SEL1L: variants seen among roughly 807,000 people sequenced by gnomAD.
SEL1L encodes the protein SEL1L adaptor subunit of SYVN1 ubiquitin ligase, also known as protein sel-1 homolog 1.
Under a neutral mutation model 109.8 loss-of-function variants are expected in SEL1L, and 52 were observed. That is an observed-to-expected ratio of 0.47 (90% CI 0.38 to 0.60). The LOEUF (loss-of-function observed/expected upper bound fraction) is 0.60, where lower values mean the gene tolerates loss of function less well. Among genes scored for constraint, SEL1L ranks in the 20% least tolerant of loss-of-function variants. The pLI is 0.00. For synonymous variants in SEL1L, 373 were observed against 339.6 expected, an observed-to-expected ratio of 1.10 and a Z score of -1.08; for missense variants, 749 against 962.2, an observed-to-expected ratio of 0.78 and a Z score of 2.93.
At chr14:81,530,345 A>G (rs1161072754) in intron 1 of SEL1L, among the ~76,000 whole-genome samples, 1 of 152,222 alleles carries the variant, frequency 6.6e-6, no homozygotes, top group African/African-American at 2.4e-5. Context: ...TAATTCTGAC[A>G]CATGGTTCAG....
chr14:81,486,970 CTT>C (rs139733784), intron 16 of SEL1L, among the ~76,000 whole-genome samples: 39 of 136,456 alleles, frequency 2.9e-4, no homozygotes, highest in Admixed American at 3.0e-4. Context: ...TTCTTTCTTT[CTT>C]TTTTTTTTTT....
chr14:81,502,169 T>G (rs1277171403), intron 6 of SEL1L, among the ~76,000 whole-genome samples: 1 of 152,146 alleles, frequency 6.6e-6, no homozygotes, highest in Non-Finnish European at 1.5e-5. Flanking sequence ...TAGACAGTGA[T>G]ATCTCATTTT....
chr14:81,507,000 C>T (rs1884266760), intron 3 of SEL1L, among the ~76,000 whole-genome samples: 1 of 152,194 alleles, frequency 6.6e-6, no homozygotes, highest in Non-Finnish European at 1.5e-5. Flanking sequence ...TTCAATTGAA[C>T]CTGAAGGGCG....
intron 3 of SEL1L, among the ~76,000 whole-genome samples, chr14:81,510,525 T>TATATAC (rs1884435593): frequency 6.6e-6 from 1 of 150,934 alleles, no homozygotes; most frequent in Admixed American, 6.6e-5. Flanking sequence ...TATATATATA[T>TATATAC]ATATAGACAA....
intron 3 of SEL1L, among the ~76,000 whole-genome samples, chr14:81,514,354 G>C (rs1019315714): frequency 2.0e-5 from 3 of 152,146 alleles, no homozygotes; most frequent in Non-Finnish European, 4.4e-5. Context: ...CCTCCCTTAG[G>C]GTATGGCCCT....
chr14:81,480,350 C>T (rs937023008), intron 19 of SEL1L, among the ~76,000 whole-genome samples: 1 of 152,134 alleles, frequency 6.6e-6, no homozygotes, highest in Non-Finnish European at 1.5e-5. Flanking sequence ...CCACCTCGCC[C>T]GGCTAATTTT....
At chr14:81,486,165 G>A in intron 17 of SEL1L, 124 bp downstream of exon 17, 2 of 939,944 alleles carry the variant, frequency 2.1e-6, no homozygotes, top group South Asian at 1.8e-5. Flanking sequence ...AAGCCTGTGT[G>A]TTCAGTTCCA....
intron 1 of SEL1L, among the ~76,000 whole-genome samples, chr14:81,530,979 A>T (rs1199366205): frequency 1.3e-5 from 2 of 152,246 alleles, no homozygotes; most frequent in African/African-American, 4.8e-5. Context: ...AATATGGTGT[A>T]AAAGATTACA....
chr14:81,479,833 G>A, intron 19 of SEL1L, 93 bp from the exon 20 acceptor site: 1 of 1,171,126 alleles, frequency 8.5e-7, no homozygotes, highest in Non-Finnish European at 1.1e-6. Flanking sequence ...TTACCTTTGA[G>A]GTTTTCATTT....
At chr14:81,489,392 A>T in intron 13 of SEL1L, 78 bp from the exon 14 acceptor site, 1 of 1,150,278 alleles carries the variant, frequency 8.7e-7, no homozygotes. Context: ...CTGCAAAATA[A>T]ATCATTTATA....
At chr14:81,521,539 A>G (rs1395362718) in intron 3 of SEL1L, among the ~76,000 whole-genome samples, 1 of 152,214 alleles carries the variant, frequency 6.6e-6, no homozygotes, top group Admixed American at 6.5e-5. Flanking sequence ...TGGTGGTCCC[A>G]TAAGATTATA....
rs927260694 is a variant in SEL1L at position 81,485,663 on chromosome 14, A to G, written c.1873+9T>C. The G allele has an allele frequency of 6.2e-7, 1 of 1,611,450 alleles. No individual in the cohort carries two copies. The highest frequency in any genetic ancestry group is 8.5e-7 in the Non-Finnish European group (1 of 1,177,630). ...GGGTGAAACTCTTATCTTAGAATTA[A>G]TCACTTACCTTGAGAGGCGGCCCTG... On this transcript the variant is annotated intron_variant, in intron 18 of 20. Transcript: ENST00000336735.
rs1264028646 is a variant in SEL1L at position 81,472,865 on chromosome 14, T to TA, written c.*4106dup. Reference sequence around the variant, plus strand: ...CATTAAAAAATTGAATCATTCAGCTTAAAAAAAGTCTGTCTGGAAAGGTGC... The same window carrying TA: ...CATTAAAAAATTGAATCATTCAGCTTAAAAAAAAGTCTGTCTGGAAAGGTGC... On this transcript the variant is annotated 3_prime_UTR_variant, in exon 21 of 21. Transcript: ENST00000336735. 2 of 236,636 alleles carry TA rather than the reference T, an allele frequency of 8.5e-6. No individual in the cohort carries two copies. Among genetic ancestry groups the TA allele is most frequent in the Non-Finnish European group, 1.7e-5 (2 of 118,500 alleles). The allele number at this position is 236,636 out of a possible 1,614,324, so 14.7% of individuals were successfully genotyped here.
At chr14:81,518,597 T>G (rs1383751199) in intron 3 of SEL1L, among the ~76,000 whole-genome samples, 1 of 146,606 alleles carries the variant, frequency 6.8e-6, no homozygotes, top group Non-Finnish European at 1.5e-5. Context: ...GAGGCGAAGG[T>G]TGCAGTGAGC....
chr14:81,499,204 T>A lies in SEL1L; in HGVS notation c.891+255A>T, dbSNP rs1435202935. 7.6e-6 allele frequency: 9 copies of A among 1,188,446 alleles called. No individual in the cohort carries two copies. In the Admixed American group the frequency reaches 1.3e-4, roughly 17 times the overall value. The allele number at this position is 1,188,446 out of a possible 1,614,324, so 73.6% of individuals were successfully genotyped here. On this transcript the variant is annotated intron_variant, in intron 8 of 20. Transcript: ENST00000336735. ...TCAGAGAAAATTTAAAAAGAGCCATTTATCAGATCTCTCTTTTTAGGGGCA... is the reference window on the plus strand; with the variant it reads ...TCAGAGAAAATTTAAAAAGAGCCATATATCAGATCTCTCTTTTTAGGGGCA...
At chr14:81,487,308 C>CA (rs989334569) in intron 16 of SEL1L, 82 bp downstream of exon 16, 18 of 1,371,452 alleles carry the variant, frequency 1.3e-5, no homozygotes, top group Admixed American at 3.1e-5. Flanking sequence ...AGAAAACATA[C>CA]AAAAAAACCA....
At chr14:81,480,244 A>G (rs1406712823) in intron 19 of SEL1L, among the ~76,000 whole-genome samples, 1 of 151,868 alleles carries the variant, frequency 6.6e-6, no homozygotes, top group East Asian at 1.9e-4. Context: ...GCTGGAGTGC[A>G]GTGGCGCGAT....
chr14:81,484,554 G>A, intron 18 of SEL1L, 157 bp from the exon 19 acceptor site: 1 of 679,278 alleles, frequency 1.5e-6, no homozygotes, highest in South Asian at 2.5e-5. Context: ...AAGTTATAAA[G>A]TCCAGTAAAA....
At chr14:81,503,600 C>G (rs1222642693) in intron 5 of SEL1L, among the ~76,000 whole-genome samples, 2 of 152,026 alleles carry the variant, frequency 1.3e-5, no homozygotes, top group Non-Finnish European at 2.9e-5. Flanking sequence ...TCCCTGTTAT[C>G]CTAATATCTT....
Sources: allele counts gnomAD v4.1 joint callset (sites outside exome capture counted in the v4.1 genomes callset), GRCh38; gene constraint gnomAD v4.1.1; transcripts MANE v1.5; gene names NCBI Gene and HGNC (gene_info 2026-07-23, HGNC 2026-07-21).